The following SYN3 variants were observed in gnomAD, a reference collection of about 807,000 sequenced individuals.
SYN3 encodes the protein synapsin-3.
SYN3 carries 35 observed loss-of-function variants against 65.8 expected under a neutral mutation model. The ratio of observed to expected loss-of-function variants is 0.53; its 90% confidence interval spans 0.41 to 0.70. The LOEUF is 0.70. Among genes scored for constraint, SYN3 ranks in the 30% least tolerant of loss-of-function variants. The pLI is 0.00. For missense variants in SYN3, 680 were observed against 749.0 expected (o/e 0.91, Z 1.08); for synonymous variants, 270 against 292.9 (o/e 0.92, Z 0.80).
chr22:32,744,814 G>A (rs1017546841), intron 6 of SYN3, among the ~76,000 whole-genome samples: 12 of 152,192 alleles, frequency 7.9e-5, no homozygotes, highest in South Asian at 2.1e-4. Context: ...GATTGCCCAC[G>A]CAGCAGGGTG....
intron 3 of SYN3, 27 bp downstream of exon 3, chr22:32,980,618 A>G: frequency 1.2e-6 from 2 of 1,611,010 alleles, no homozygotes; most frequent in Non-Finnish European, 1.7e-6. Context: ...GTCAGTTGAC[A>G]GTGCTAAAGA....
In SYN3 at chr22:32,743,144, TCA is replaced by T. The variant is rs1444474556; in HGVS notation, c.711+121769_711+121770del. On this transcript the variant is annotated intron_variant, in intron 6 of 13. Transcript: ENST00000358763. ...CAGCATTTTTTTAACACTAGCTATT[TCA>T]GTTACCCCCTGAGTGAGTATAAATG... Among the ~76,000 whole-genome samples the T allele has an allele frequency of 2.0e-5, 3 of 152,332 alleles. No individual in the cohort carries two copies. In the South Asian group the frequency reaches 6.2e-4, roughly 32 times the overall value.
intron 6 of SYN3, among the ~76,000 whole-genome samples, chr22:32,758,221 A>T (rs1376472675): frequency 1.3e-5 from 2 of 152,176 alleles, no homozygotes; most frequent in Non-Finnish European, 2.9e-5. Context: ...GTTAGGCATA[A>T]TTATGACCTT....
At chr22:33,025,433 C>CAAAAAAAA (rs33919912) in intron 1 of SYN3, among the ~76,000 whole-genome samples, 2 of 78,736 alleles carry the variant, frequency 2.5e-5, no homozygotes, top group African/African-American at 4.8e-5. Context: ...GACTCCGTCT[C>CAAAAAAAA]AAAAAAAAAA....
intron 6 of SYN3, among the ~76,000 whole-genome samples, chr22:32,683,165 T>G (rs2060546020): frequency 6.6e-6 from 1 of 152,160 alleles, no homozygotes; most frequent in Non-Finnish European, 1.5e-5. Flanking sequence ...GTGAGCTTGT[T>G]TGTGTCATGC....
chr22:32,532,791 C>A (rs544342932), intron 10 of SYN3, among the ~76,000 whole-genome samples: 1 of 152,192 alleles, frequency 6.6e-6, no homozygotes, highest in African/African-American at 2.4e-5. Context: ...GCCGCCCACA[C>A]CCCGGGGAGG....
intron 3 of SYN3, among the ~76,000 whole-genome samples, chr22:32,942,096 T>C (rs1045195145): frequency 2.0e-5 from 3 of 151,830 alleles, no homozygotes; most frequent in Non-Finnish European, 2.9e-5. Flanking sequence ...TTGAAGAGAG[T>C]AGTGGTTCTC....
intron 6 of SYN3, among the ~76,000 whole-genome samples, chr22:32,705,871 T>C (rs901325610): frequency 2.0e-5 from 3 of 152,218 alleles, no homozygotes; most frequent in Non-Finnish European, 4.4e-5. Flanking sequence ...GTTGTAGGTA[T>C]ATAAGAATGC....
At chr22:32,868,851 T>C in intron 5 of SYN3, 115 bp downstream of exon 5, 1 of 922,838 alleles carries the variant, frequency 1.1e-6, no homozygotes, top group Non-Finnish European at 1.5e-6. Flanking sequence ...GTTCAGTTGC[T>C]TAAATAAGAA....
At chr22:32,546,660 G>T (rs1415644129) in intron 7 of SYN3, among the ~76,000 whole-genome samples, 3 of 152,102 alleles carry the variant, frequency 2.0e-5, no homozygotes, top group African/African-American at 7.2e-5. Flanking sequence ...GCCTGGGCAG[G>T]GAGTCTTGGC....
intron 6 of SYN3, among the ~76,000 whole-genome samples, chr22:32,721,730 A>G (rs964091547): frequency 2.6e-5 from 4 of 152,190 alleles, no homozygotes; most frequent in Non-Finnish European, 4.4e-5. Context: ...CATTCTAGTG[A>G]AGGGGGCAGA....
intron 6 of SYN3, among the ~76,000 whole-genome samples, chr22:32,814,107 CGTGTGTGTGTGTGT>C (rs130279): frequency 2.0e-5 from 2 of 97,676 alleles, no homozygotes; most frequent in African/African-American, 4.3e-5. Context: ...AGGCAATACT[CGTGTGTGTGTGTGT>C]GTGTGTGTGT....
intron 1 of SYN3, among the ~76,000 whole-genome samples, chr22:33,047,664 A>G (rs1396935272): frequency 6.6e-6 from 1 of 152,170 alleles, no homozygotes; most frequent in East Asian, 1.9e-4. Context: ...AGTGCCACTA[A>G]TGTGAACAAA....
In SYN3 at chr22:32,995,522, AC is replaced by A. The variant is rs575278171; in HGVS notation, c.311+10829del. Among the ~76,000 whole-genome samples, 34 of 151,824 alleles carry A rather than the reference AC, an allele frequency of 2.2e-4. No individual in the cohort carries two copies. The East Asian group carries it at 4.7e-3, about 21-fold the overall frequency. ...TGCTGGTTGTGCCAGCTCTGAGTTC[AC>A]CCCCCATCCTTCCTCCACGTGGCAC... On this transcript the variant is annotated intron_variant, in intron 2 of 13. Transcript: ENST00000358763.
chr22:32,651,983 A>C (rs2060078222), intron 6 of SYN3, among the ~76,000 whole-genome samples: 1 of 152,128 alleles, frequency 6.6e-6, no homozygotes, highest in Admixed American at 6.5e-5. Context: ...TGCAACAAAG[A>C]ATTAGCCTAT....
chr22:32,645,038 C>G (rs1338980311), intron 6 of SYN3, among the ~76,000 whole-genome samples: 1 of 152,124 alleles, frequency 6.6e-6, no homozygotes, highest in East Asian at 1.9e-4. Context: ...AAGAGGTTCC[C>G]AGGTCCGAGA....
intron 6 of SYN3, among the ~76,000 whole-genome samples, chr22:32,683,499 C>T (rs1002923912): frequency 5.3e-5 from 8 of 152,120 alleles, no homozygotes; most frequent in East Asian, 1.9e-4. Flanking sequence ...AATGTATTCT[C>T]GCAGTTCTGG....
At chr22:33,044,057 A>C (rs2054013809) in intron 1 of SYN3, among the ~76,000 whole-genome samples, 2 of 152,114 alleles carry the variant, frequency 1.3e-5, no homozygotes, top group South Asian at 4.1e-4. Flanking sequence ...GTCTCAAAAA[A>C]AAAAAAAAGT....
At chr22:32,754,344 G>A (rs2045230545) in intron 6 of SYN3, among the ~76,000 whole-genome samples, 1 of 152,114 alleles carries the variant, frequency 6.6e-6, no homozygotes, top group Non-Finnish European at 1.5e-5. Flanking sequence ...TAGAGACGGG[G>A]TTTCACCATG....
Sources: gnomAD v4.1 joint callset for allele counts (sites outside exome capture counted in the v4.1 genomes callset) on GRCh38, gnomAD v4.1.1 for gene constraint, MANE v1.5 for transcripts, NCBI Gene and HGNC (gene_info 2026-07-23, HGNC 2026-07-21) for gene names.